WRN: variants seen among roughly 807,000 people sequenced by gnomAD.
WRN encodes bifunctional 3'-5' exonuclease/ATP-dependent helicase WRN.
A neutral mutation model predicts 180.7 loss-of-function variants in WRN; 149 were observed. The observed-to-expected ratio is 0.82, with a 90% CI of 0.72 to 0.94. The LOEUF (loss-of-function observed/expected upper bound fraction) is 0.94, where lower values mean the gene tolerates loss of function less well. Ranked by LOEUF, WRN falls within the 40% of genes least tolerant of loss-of-function variation. WRN has a pLI of 0.00. For synonymous variants in WRN, 548 were observed against 568.9 expected, an observed-to-expected ratio of 0.96 and a Z score of 0.52; for missense variants, 1,661 against 1,700.1, an observed-to-expected ratio of 0.98 and a Z score of 0.40.
rs536891045 is a variant in WRN, at chr8:31,071,605, C to T, written c.724+3278C>T. On this transcript the variant is annotated intron_variant, in intron 7 of 34. Transcript: ENST00000298139. Reference sequence around the variant, plus strand: ...CAAGTGATTATCCTGCCTCAGCCTCCTGAGTAACTGGGATTACAGGTGCCT... The same window carrying T: ...CAAGTGATTATCCTGCCTCAGCCTCTTGAGTAACTGGGATTACAGGTGCCT... Among the ~76,000 whole-genome samples, 130 of 152,282 alleles carry T rather than the reference C, an allele frequency of 8.5e-4. 1 individual carries two copies. The highest frequency in any genetic ancestry group is 4.9e-4 in the Non-Finnish European group (33 of 68,020).
intron 32 of WRN, among the ~76,000 whole-genome samples, chr8:31,155,238 T>G (rs1466966511): frequency 1.3e-5 from 2 of 152,200 alleles, no homozygotes; most frequent in African/African-American, 4.8e-5. Context: ...GCCAAGCAAC[T>G]GGAAATATGT....
In WRN at chr8:31,124,457, A is replaced by T. The variant is rs963644685; in HGVS notation, c.2631-65A>T. The stretch of plus-strand genomic sequence containing the variant: ...GAAAAATAAACAGTAAAAAATAAGT[A>T]AAAAAAAAAGTAAGAAAGTTGCCAA... On this transcript the variant is annotated intron_variant, in intron 21 of 34. Transcript: ENST00000298139. The T allele has an allele frequency of 1.8e-3, 1,730 of 965,234 alleles. 1 individual carries two copies. The highest frequency in any genetic ancestry group is 2.1e-3 in the Non-Finnish European group (1,371 of 662,608). 59.8% of individuals were successfully genotyped at this position (965,234 alleles called of 1,614,324 possible). A position where few individuals can be genotyped will look rare whatever the true frequency, so the allele number is the denominator to read the frequency against.
At chr8:31,081,751 A>G (rs546107764) in intron 9 of WRN, among the ~76,000 whole-genome samples, 15 of 151,826 alleles carry the variant, frequency 9.9e-5, no homozygotes, top group Non-Finnish European at 2.1e-4. Context: ...CTTTATACAG[A>G]ATTTTTTTCT....
intron 24 of WRN, among the ~76,000 whole-genome samples, chr8:31,135,845 T>C (rs1420633293): frequency 6.6e-6 from 1 of 152,162 alleles, no homozygotes; most frequent in African/African-American, 2.4e-5. Flanking sequence ...TTTCTTTTTT[T>C]CTCTGTCAGA....
At chr8:31,135,012 C>T (rs929918339) in intron 24 of WRN, among the ~76,000 whole-genome samples, 8 of 152,060 alleles carry the variant, frequency 5.3e-5, no homozygotes, top group Non-Finnish European at 1.0e-4. Context: ...CCCGTCCTCC[C>T]CCAAGCCCCC....
chr8:31,038,359 C>T (rs889361498), intron 1 of WRN, among the ~76,000 whole-genome samples: 1 of 151,982 alleles, frequency 6.6e-6, no homozygotes, highest in African/African-American at 2.4e-5. Context: ...TGCTTATTGG[C>T]CATTATATGT....
chr8:31,124,879 TATTTA>T (rs771886178), intron 22 of WRN, 24 bp from the exon 23 acceptor site: 1 of 1,589,582 alleles, frequency 6.3e-7, no homozygotes, highest in Admixed American at 1.7e-5. Context: ...TCTGTTCTTT[TATTTA>T]ATTTAAAATT....
intron 8 of WRN, among the ~76,000 whole-genome samples, chr8:31,076,561 C>T (rs575091427): frequency 5.1e-4 from 77 of 151,866 alleles, no homozygotes; most frequent in Non-Finnish European, 8.7e-4. Flanking sequence ...GAAATTATAT[C>T]TATATTATAT....
At chr8:31,050,084 A>G (rs964136353) in intron 1 of WRN, among the ~76,000 whole-genome samples, 4 of 152,166 alleles carry the variant, frequency 2.6e-5, no homozygotes, top group Admixed American at 6.6e-5. Flanking sequence ...GAATTTTCCA[A>G]ATAACTTAAA....
intron 27 of WRN, 133 bp downstream of exon 27, chr8:31,142,834 G>A: frequency 1.3e-6 from 1 of 742,548 alleles, no homozygotes; most frequent in Non-Finnish European, 2.1e-6. Context: ...ATTCGGCCAG[G>A]GAAGTGATGT....
intron 28 of WRN, among the ~76,000 whole-genome samples, chr8:31,145,039 G>A (rs1007981570): frequency 6.6e-6 from 1 of 152,214 alleles, no homozygotes; most frequent in African/African-American, 2.4e-5. Context: ...GGTTCATGAG[G>A]TTTAAGGAAA....
chr8:31,049,919 AATACT>A (rs1406214842), intron 1 of WRN, among the ~76,000 whole-genome samples: 1 of 151,840 alleles, frequency 6.6e-6, no homozygotes, highest in African/African-American at 2.4e-5. Context: ...CAAGAAAGCA[AATACT>A]ATAATATATA....
chr8:31,118,897 AT>A (rs1245163149), intron 20 of WRN, among the ~76,000 whole-genome samples: 1 of 151,920 alleles, frequency 6.6e-6, no homozygotes, highest in African/African-American at 2.4e-5. Flanking sequence ...TTGTGAATAA[AT>A]TATTTGATAA....
chr8:31,108,651 A>C (rs1323057759), intron 18 of WRN, among the ~76,000 whole-genome samples: 1 of 152,144 alleles, frequency 6.6e-6, no homozygotes, highest in Non-Finnish European at 1.5e-5. Flanking sequence ...TAAAAAAAAA[A>C]ATCCCCTTGT....
chr8:31,064,438 G>A lies in WRN; in HGVS notation c.355+4G>A. ...TTCCACGTTTCTTCCATGTCAGGTT[G>A]GTATCTCTACATTTCATTTTTATAT... On this transcript the variant is annotated splice_donor_region_variant and intron_variant, in intron 4 of 34. Transcript: ENST00000298139. 1.2e-6 allele frequency: 2 copies of A among 1,613,838 alleles called. No individual in the cohort carries two copies. Among genetic ancestry groups the A allele is most frequent in the Non-Finnish European group, 8.5e-7 (1 of 1,179,934 alleles).
chr8:31,137,058 GT>G (rs11324825), intron 24 of WRN, among the ~76,000 whole-genome samples: 54,731 of 135,808 alleles, frequency 0.4, 11,033 homozygotes, highest in South Asian at 0.54. Context: ...TTTTAATTCT[GT>G]TTTTTTTTTT....
At chr8:31,111,564 G>A in intron 18 of WRN, 51 bp from the exon 19 acceptor site, 2 of 1,586,178 alleles carry the variant, frequency 1.3e-6, no homozygotes, top group Non-Finnish European at 1.7e-6. Context: ...TAGACATGTT[G>A]GGAATGAATG....
intron 1 of WRN, among the ~76,000 whole-genome samples, chr8:31,040,793 A>G (rs1811623046): frequency 6.6e-6 from 1 of 152,224 alleles, no homozygotes; most frequent in Admixed American, 6.5e-5. Context: ...AGGGGAGAAT[A>G]ATAATGGAGC....
At chr8:31,059,607 A>G (rs1369901397) in intron 3 of WRN, among the ~76,000 whole-genome samples, 2 of 152,124 alleles carry the variant, frequency 1.3e-5, no homozygotes, top group Admixed American at 1.3e-4. Flanking sequence ...TATTTTACCA[A>G]TTTAGGGAAA....
Sources: gnomAD v4.1 joint callset for allele counts (sites outside exome capture counted in the v4.1 genomes callset) on GRCh38, gnomAD v4.1.1 for gene constraint, MANE v1.5 for transcripts, NCBI Gene and HGNC (gene_info 2026-07-23, HGNC 2026-07-21) for gene names.